KIF13A: variants seen among roughly 807,000 people sequenced by gnomAD.
The protein encoded by KIF13A is kinesin family member 13A, also known as kinesin-like protein KIF13A.
A neutral mutation model predicts 212.2 loss-of-function variants in KIF13A; 79 were observed. The ratio of observed to expected loss-of-function variants is 0.37; its 90% CI spans 0.31 to 0.45. The LOEUF (loss-of-function observed/expected upper bound fraction) is 0.45. Ranked by LOEUF, KIF13A falls within the 20% of genes least tolerant of loss-of-function variation. KIF13A has a pLI of 1.00. For missense variants in KIF13A, 1,901 were observed against 2,209.0 expected (o/e 0.86, Z 2.79); for synonymous variants, 789 against 808.6 (o/e 0.98, Z 0.41).
chr6:17,913,824 G>T (rs1774272949), intron 2 of KIF13A, among the ~76,000 whole-genome samples: 1 of 152,142 alleles, frequency 6.6e-6, no homozygotes, highest in African/African-American at 2.4e-5. Context: ...CAGAAAGGCG[G>T]GCTGAGGAAA....
intron 17 of KIF13A, among the ~76,000 whole-genome samples, chr6:17,812,884 G>GATGGT (rs1763556285): frequency 6.6e-6 from 1 of 152,204 alleles, no homozygotes; most frequent in African/African-American, 2.4e-5. Flanking sequence ...ACTGGTGTGA[G>GATGGT]ATGGTATCTC....
At chr6:17,819,883 G>T (rs1764285052) in intron 16 of KIF13A, among the ~76,000 whole-genome samples, 1 of 152,096 alleles carries the variant, frequency 6.6e-6, no homozygotes, top group South Asian at 2.1e-4. Context: ...AGAAAGGACA[G>T]GGTGCTACAG....
chr6:17,815,851 T>C (rs543254561), intron 17 of KIF13A, among the ~76,000 whole-genome samples: 2 of 151,998 alleles, frequency 1.3e-5, no homozygotes, highest in East Asian at 3.9e-4. Flanking sequence ...ACTTTCTCCT[T>C]TGAGAGTTCT....
At chr6:17,975,433 C>T (rs1003152116) in intron 2 of KIF13A, among the ~76,000 whole-genome samples, 2 of 152,164 alleles carry the variant, frequency 1.3e-5, no homozygotes, top group African/African-American at 2.4e-5. Flanking sequence ...GGTTCGTGAT[C>T]TCGCTAGCTT....
chr6:17,866,826 CGCATATATATATATATATATATATATAT>C (rs66559253), intron 4 of KIF13A, among the ~76,000 whole-genome samples: 58,940 of 122,180 alleles, frequency 0.48, 14,322 homozygotes, highest in East Asian at 0.66. Flanking sequence ...AAAAAAGCAG[CGCATATATATATATATATATATATATAT>C]ATATATATAT....
chr6:17,813,630 T>C (rs1763634009), intron 17 of KIF13A, among the ~76,000 whole-genome samples: 1 of 152,052 alleles, frequency 6.6e-6, no homozygotes, highest in Non-Finnish European at 1.5e-5. Context: ...GTTGCGAGCC[T>C]TGCGCTGCAG....
rs114434693 is a variant in KIF13A at position 17,823,383 on chromosome 6, C to T, written c.1786+2385G>A. Among the ~76,000 whole-genome samples the T allele has an allele frequency of 4.5e-3, 684 of 151,496 alleles. 2 individuals carry two copies. Among genetic ancestry groups the T allele is most frequent in the African/African-American group, 0.015 (623 of 41,266 alleles). On this transcript the variant is annotated intron_variant, in intron 16 of 38. Coordinates refer to ENST00000259711, the MANE Select transcript of KIF13A (RefSeq NM_022113.6). ...CACTTGTTTTTCACAGTCTGGCTGG[C>T]TGGCTGTCTTTCTCTCTCTCTCTCT...
chr6:17,952,854 C>T (rs545396198), intron 2 of KIF13A, among the ~76,000 whole-genome samples: 6 of 151,574 alleles, frequency 4.0e-5, no homozygotes, highest in African/African-American at 1.5e-4. Flanking sequence ...GGCGCGAACC[C>T]GGGAGGCAGA....
chr6:17,777,276 C>T lies in KIF13A; in HGVS notation c.4170+1G>A, dbSNP rs1302489234. 6.2e-7 allele frequency: 1 copy of T among 1,610,182 alleles called. No homozygotes were observed. Among genetic ancestry groups the T allele is most frequent in the South Asian group, 1.1e-5 (1 of 90,200 alleles). On this transcript the variant is annotated splice_donor_variant, in intron 34 of 38. Coordinates refer to ENST00000259711, the MANE Select transcript of KIF13A (RefSeq NM_022113.6). LOFTEE classifies it high-confidence loss of function. The surrounding 1 kb of genome is among the most constrained non-coding windows in gnomAD (Gnocchi z 4.4). The stretch of plus-strand genomic sequence containing the variant: ...GCAGATCCTTGGCAGGATGCACTTA[C>T]ATTATGAACATTTGGTGTACTGAGG...
At chr6:17,973,790 G>A (rs1221444617) in intron 2 of KIF13A, among the ~76,000 whole-genome samples, 2 of 152,170 alleles carry the variant, frequency 1.3e-5, no homozygotes, top group African/African-American at 4.8e-5. Context: ...CTGCTCCATA[G>A]CCCAGATCGG....
intron 18 of KIF13A, among the ~76,000 whole-genome samples, chr6:17,806,731 T>G (rs935743664): frequency 6.6e-6 from 1 of 151,956 alleles, no homozygotes. Context: ...AATACAAAAT[T>G]AGCTTGGTGT....
At position 17,850,120 on chromosome 6, in the gene KIF13A, C is replaced by T. The variant is rs1325920837; in HGVS notation, c.717+203G>A. On this transcript the variant is annotated intron_variant, in intron 8 of 38. Transcript: ENST00000259711. The surrounding 1 kb of genome is among the most constrained non-coding windows in gnomAD (Gnocchi z 6.2). ...GGAATTACAGGCAGGAGCCACTGCA[C>T]CAGGCCAAAATCCAATTTTTTAAAA... is the stretch of plus-strand genomic sequence containing the variant. Among the ~76,000 whole-genome samples the T allele has an allele frequency of 6.6e-6, 1 of 152,138 alleles. No homozygotes were observed. Among genetic ancestry groups the T allele is most frequent in the African/African-American group, 2.4e-5 (1 of 41,432 alleles).
At chr6:17,943,482 AG>A (rs1366152821) in intron 2 of KIF13A, among the ~76,000 whole-genome samples, 9 of 149,110 alleles carry the variant, frequency 6.0e-5, no homozygotes, top group Non-Finnish European at 1.2e-4. Flanking sequence ...TCCTGACCTC[AG>A]GTGATCCACC....
intron 18 of KIF13A, among the ~76,000 whole-genome samples, chr6:17,807,693 C>T (rs1490243428): frequency 6.9e-6 from 1 of 144,542 alleles, no homozygotes; most frequent in Middle Eastern, 3.2e-3. Flanking sequence ...ATCTTTGTAC[C>T]TACTCCCTGT....
At chr6:17,848,924 C>CT (rs1414276243) in intron 9 of KIF13A, among the ~76,000 whole-genome samples, 6 of 151,856 alleles carry the variant, frequency 4.0e-5, no homozygotes, top group South Asian at 2.1e-4. Flanking sequence ...CTTATACATC[C>CT]TTTTTTTTCC....
rs1219681357 is a variant in KIF13A, at chr6:17,940,781, CTT to C, written c.147-42603_147-42602del. On this transcript the variant is annotated intron_variant, in intron 2 of 38. Transcript: ENST00000259711. ...TGTAGTTAGAATTTTTTATGACAAA[CTT>C]TTTAATTAGTTAGGACTTAACACAT... Among the ~76,000 whole-genome samples, 90 of 150,650 alleles carry C rather than the reference CTT, an allele frequency of 6.0e-4. 2 individuals are homozygous for C. The highest frequency in any genetic ancestry group is 1.3e-4 in the Non-Finnish European group (9 of 67,730).
intron 2 of KIF13A, chr6:17,950,707 A>AC: frequency 4.1e-6 from 4 of 984,134 alleles, no homozygotes; most frequent in Non-Finnish European, 4.8e-6. Flanking sequence ...AATCATGCCT[A>AC]AAAAACGAAA....
downstream of KIF13A, among the ~76,000 whole-genome samples, chr6:17,762,779 C>T (rs182855043): frequency 9.2e-5 from 14 of 152,154 alleles, 1 homozygote; most frequent in East Asian, 1.9e-3. Context: ...ATTCTTATGT[C>T]GGGGAAGGAA....
At chr6:17,821,552 G>GGTGT (rs111387037) in intron 16 of KIF13A, among the ~76,000 whole-genome samples, 4,544 of 112,072 alleles carry the variant, frequency 0.041, 310 homozygotes, top group Admixed American at 0.061. Flanking sequence ...ATTGGGACAT[G>GGTGT]GTGTGTGTGT....
Sources: gnomAD v4.1 joint callset for allele counts (sites outside exome capture counted in the v4.1 genomes callset) on GRCh38, gnomAD v4.1.1 for gene constraint, Gnocchi (gnomAD v3.1) non-coding constraint, MANE v1.5 for transcripts, NCBI Gene and HGNC (gene_info 2026-07-23, HGNC 2026-07-21) for gene names.